CPNE4: variants seen among roughly 807,000 people sequenced by gnomAD.
The protein encoded by CPNE4 is copine 4, also known as copine-4.
Under a neutral mutation model 67.9 loss-of-function variants are expected in CPNE4, and 25 were observed. The observed-to-expected ratio is 0.37, with a 90% CI of 0.27 to 0.51. The LOEUF is 0.51. Among genes scored for constraint, CPNE4 ranks in the 20% least tolerant of loss-of-function variants. The pLI, the probability that CPNE4 is intolerant of heterozygous loss-of-function variation, is 0.93. For missense variants in CPNE4, 464 were observed against 690.8 expected, an observed-to-expected ratio of 0.67 and a Z score of 3.68; for synonymous variants, 242 against 244.9, an observed-to-expected ratio of 0.99 and a Z score of 0.11.
At chr3:131,662,549 T>C (rs2080152177) in intron 7 of CPNE4, among the ~76,000 whole-genome samples, 1 of 152,120 alleles carries the variant, frequency 6.6e-6, no homozygotes, top group African/African-American at 2.4e-5. Context: ...ACAGTATTTC[T>C]CTTTTTGCAA....
intron 2 of CPNE4, among the ~76,000 whole-genome samples, chr3:131,792,885 T>C (rs1283620198): frequency 2.7e-5 from 3 of 112,188 alleles, no homozygotes; most frequent in African/African-American, 1.1e-4. Flanking sequence ...ACAGTGTAGG[T>C]ATTTCCAGTG....
intron 10 of CPNE4, among the ~76,000 whole-genome samples, chr3:131,573,657 C>T (rs1284306646): frequency 6.6e-6 from 1 of 152,060 alleles, no homozygotes; most frequent in African/African-American, 2.4e-5. Context: ...TGCCTAAGAT[C>T]TTGGGAAACT....
intron 7 of CPNE4, among the ~76,000 whole-genome samples, chr3:131,653,311 A>AT (rs1215366756): frequency 6.8e-6 from 1 of 146,008 alleles, no homozygotes; most frequent in Non-Finnish European, 1.5e-5. Context: ...CGCCTGGCTA[A>AT]TTTTTTTGTA....
intron 7 of CPNE4, among the ~76,000 whole-genome samples, chr3:131,625,675 T>C (rs1055944020): frequency 1.3e-5 from 2 of 152,222 alleles, no homozygotes; most frequent in Non-Finnish European, 2.9e-5. Flanking sequence ...AAGTCGTGGA[T>C]AGAACTAAAT....
intron 1 of CPNE4, among the ~76,000 whole-genome samples, chr3:132,001,955 GT>G (rs1307152917): frequency 4.6e-5 from 7 of 151,966 alleles, no homozygotes; most frequent in Non-Finnish European, 1.0e-4. Flanking sequence ...GGGGTTTTGT[GT>G]TTTTTTCCTA....
chr3:131,865,478 C>T (rs1256254580), intron 2 of CPNE4, among the ~76,000 whole-genome samples: 1 of 152,086 alleles, frequency 6.6e-6, no homozygotes. Flanking sequence ...CTTTATAAGG[C>T]CTTCTCTGTG....
chr3:131,712,933 T>C (rs2081594193), intron 3 of CPNE4, among the ~76,000 whole-genome samples: 2 of 152,122 alleles, frequency 1.3e-5, no homozygotes, highest in African/African-American at 2.4e-5. Flanking sequence ...TGAAAGCTGG[T>C]TGGAAACAAC....
chr3:131,895,186 G>A (rs569376803), intron 2 of CPNE4, among the ~76,000 whole-genome samples: 1 of 152,002 alleles, frequency 6.6e-6, no homozygotes, highest in East Asian at 1.9e-4. Context: ...GCAGAGAGTA[G>A]AACAGTGGAT....
chr3:131,795,705 C>T (rs2083901083), intron 2 of CPNE4, among the ~76,000 whole-genome samples: 1 of 152,188 alleles, frequency 6.6e-6, no homozygotes, highest in Admixed American at 6.5e-5. Flanking sequence ...GCTGAAAACA[C>T]CACCCTCGGG....
chr3:131,666,347 C>T (rs1017480427), intron 7 of CPNE4, among the ~76,000 whole-genome samples: 1 of 151,628 alleles, frequency 6.6e-6, no homozygotes, highest in African/African-American at 2.4e-5. Flanking sequence ...GCTATAGGTC[C>T]ACAGAGACCT....
intron 1 of CPNE4, among the ~76,000 whole-genome samples, chr3:131,977,142 C>T (rs541603631): frequency 3.3e-4 from 50 of 152,246 alleles, no homozygotes; most frequent in African/African-American, 1.1e-3. Flanking sequence ...AAAACTTCCT[C>T]ATTCTTTTTC....
At chr3:131,674,607 A>T (rs1038036858) in intron 6 of CPNE4, among the ~76,000 whole-genome samples, 7 of 151,992 alleles carry the variant, frequency 4.6e-5, no homozygotes, top group Admixed American at 2.6e-4. Context: ...ATTTATTGGC[A>T]TATAGTTGCT....
intron 1 of CPNE4, among the ~76,000 whole-genome samples, chr3:131,974,089 A>C (rs2072578412): frequency 6.6e-6 from 1 of 152,194 alleles, no homozygotes; most frequent in South Asian, 2.1e-4. Flanking sequence ...TGTGGTAGAA[A>C]GGAGGTATTT....
At chr3:131,834,011 T>A (rs2085470015) in intron 2 of CPNE4, among the ~76,000 whole-genome samples, 1 of 152,146 alleles carries the variant, frequency 6.6e-6, no homozygotes, top group Admixed American at 6.5e-5. Context: ...ATTCAAAAAA[T>A]TAAGCAGGAA....
intron 2 of CPNE4, among the ~76,000 whole-genome samples, chr3:131,758,518 G>T (rs568694165): frequency 6.6e-6 from 1 of 152,122 alleles, no homozygotes; most frequent in East Asian, 1.9e-4. Context: ...GCTCATAGGC[G>T]GAAGGGACTT....
At chr3:131,641,925 A>G (rs2079550783) in intron 7 of CPNE4, among the ~76,000 whole-genome samples, 1 of 152,220 alleles carries the variant, frequency 6.6e-6, no homozygotes, top group African/African-American at 2.4e-5. Context: ...CAAACATCCT[A>G]TGTTCTCATT....
intron 2 of CPNE4, among the ~76,000 whole-genome samples, chr3:131,854,556 G>A (rs560008004): frequency 6.6e-6 from 1 of 151,750 alleles, no homozygotes; most frequent in African/African-American, 2.4e-5. Context: ...TTAAAAAATT[G>A]GTTAAAAATG....
At chr3:131,803,104 G>T (rs1265353313) in intron 2 of CPNE4, among the ~76,000 whole-genome samples, 3 of 152,180 alleles carry the variant, frequency 2.0e-5, no homozygotes, top group African/African-American at 7.2e-5. Flanking sequence ...AGACGAAGAA[G>T]AAATGCTTTG....
intron 2 of CPNE4, among the ~76,000 whole-genome samples, chr3:131,739,404 CCTT>C (rs1355080523): frequency 6.6e-6 from 1 of 152,170 alleles, no homozygotes; most frequent in East Asian, 1.9e-4. Context: ...TCCCCTCTGT[CCTT>C]CTGCCTCCTG....
Sources: allele counts gnomAD v4.1 joint callset (sites outside exome capture counted in the v4.1 genomes callset), GRCh38; gene constraint gnomAD v4.1.1; transcripts MANE v1.5; gene names NCBI Gene and HGNC (gene_info 2026-07-23, HGNC 2026-07-21).